The following PARP6 variants were observed in gnomAD, a reference collection of about 807,000 sequenced individuals.
The protein encoded by PARP6 is poly(ADP-ribose) polymerase family member 6.
A neutral mutation model predicts 92.0 loss-of-function variants in PARP6; 27 were observed. The observed-to-expected ratio is 0.29, with a 90% CI of 0.22 to 0.40. PARP6 has a LOEUF of 0.40. PARP6 is among the 10% of genes least tolerant of loss of function. The pLI is 1.00. For synonymous variants in PARP6, 272 were observed against 281.2 expected (o/e 0.97, Z 0.33); for missense variants, 501 against 784.5 (o/e 0.64, Z 4.32).
chr15:72,242,268 A>G lies in PARP6; in HGVS notation c.1642-48T>C. ...AGACCAGAGCCAGGTAGATGGGTAC[A>G]GCTTTCCCTAGAGAGGCTGGTTAGC... On this transcript the variant is annotated intron_variant, in intron 21 of 23. Coordinates refer to ENST00000569795, the MANE Select transcript of PARP6 (RefSeq NM_001323532.2). This position sits in a 1 kb window ranked among gnomAD's most constrained non-coding sequence, Gnocchi z 4.3. The G allele has an allele frequency of 2.1e-6, 3 of 1,457,118 alleles. No homozygotes were observed. Among genetic ancestry groups the G allele is most frequent in the Non-Finnish European group, 2.9e-6 (3 of 1,037,670 alleles). 90.3% of individuals were successfully genotyped at this position (1,457,118 alleles called of 1,614,324 possible).
chr15:72,252,749 T>C (rs1435074711), intron 16 of PARP6, among the ~76,000 whole-genome samples: 1 of 152,148 alleles, frequency 6.6e-6, no homozygotes, highest in East Asian at 1.9e-4. Context: ...CCTCCCAAAG[T>C]ATTGGGATCA....
chr15:72,249,813 A>T (rs1445102760), intron 19 of PARP6, among the ~76,000 whole-genome samples: 2 of 152,144 alleles, frequency 1.3e-5, no homozygotes, highest in Admixed American at 6.5e-5. Context: ...CATTCCCCAA[A>T]CCACCAAAAA....
intron 18 of PARP6, chr15:72,250,372 C>T (rs2084188089): frequency 2.6e-6 from 1 of 386,032 alleles, no homozygotes; most frequent in Non-Finnish European, 4.8e-6. Context: ...TGCCCATTAT[C>T]CTGACATTTC....
chr15:72,250,270 A>T (rs2084177591), intron 18 of PARP6, 178 bp from the exon 19 acceptor site: 1 of 588,690 alleles, frequency 1.7e-6, no homozygotes. Flanking sequence ...TGTGTGGTTA[A>T]ACTCTACGTC....
chr15:72,254,847 G>C (rs1442439904), intron 14 of PARP6, among the ~76,000 whole-genome samples: 9 of 152,172 alleles, frequency 5.9e-5, no homozygotes, highest in Admixed American at 5.9e-4. Context: ...CAGTAATAGT[G>C]AGGTACTATG....
chr15:72,258,713 T>A (rs2085453147), intron 11 of PARP6, among the ~76,000 whole-genome samples: 1 of 151,754 alleles, frequency 6.6e-6, no homozygotes. Flanking sequence ...TGCAGCAATA[T>A]CCTACAGCGT....
At chr15:72,256,385 A>T in intron 14 of PARP6, 80 bp downstream of exon 14, 1 of 1,214,168 alleles carries the variant, frequency 8.2e-7, no homozygotes, top group Non-Finnish European at 1.1e-6. Context: ...AGCCCTGTAT[A>T]TACCAGAATG....
At chr15:72,266,974 C>T in intron 3 of PARP6, 152 bp from the exon 4 acceptor site, 1 of 634,872 alleles carries the variant, frequency 1.6e-6, no homozygotes, top group Non-Finnish European at 2.8e-6. Flanking sequence ...TCATGTCACC[C>T]TTTGTGAGAG....
chr15:72,261,613 T>C lies in PARP6; in HGVS notation c.490A>G (p.Ser164Gly), dbSNP rs1280732859. 1 of 1,614,082 alleles carries C rather than the reference T, an allele frequency of 6.2e-7. No homozygotes were observed. Among genetic ancestry groups the C allele is most frequent in the Non-Finnish European group, 8.5e-7 (1 of 1,179,948 alleles). Reference protein sequence around the residue: ...QEKRHSWFKASGTIKKFRAGL... With the variant: ...QEKRHSWFKAGGTIKKFRAGL... The stretch of plus-strand genomic sequence containing the variant: ...GCTCGGAACTTCTTGATGGTACCAC[T>C]TGCCTTGAACCAACTGTGCCTCTTC... The change falls in exon 9 of 24, where the codon AGT (serine) becomes GGT (glycine). Residue 164 changes from serine to glycine, a missense_variant. Ser to Gly is a moderately conservative substitution (Grantham distance 56). Around this residue, in one of 4 missense-constraint regions of PARP6, gnomAD observed 291 missense variants for 352.0 expected, o/e 0.83. Coordinates refer to ENST00000569795, the MANE Select transcript of PARP6 (RefSeq NM_001323532.2).
At chr15:72,243,084 T>C (rs975495153) in intron 20 of PARP6, 3 of 196,108 alleles carry the variant, frequency 1.5e-5, no homozygotes, top group Admixed American at 5.4e-5. Context: ...GATAAGGTAG[T>C]GTGTGTTAGT....
At chr15:72,265,779 C>T in intron 5 of PARP6, 118 bp downstream of exon 5, 1 of 736,498 alleles carries the variant, frequency 1.4e-6, no homozygotes, top group Non-Finnish European at 2.3e-6. Context: ...TGAGCATTTT[C>T]TATCATTAAG....
Position 72,242,963 on chromosome 15 carries a change from G to A in PARP6, c.1562-264C>T, listed in dbSNP as rs2083224115. 2 of 441,490 alleles carry A rather than the reference G, an allele frequency of 4.5e-6. No individual in the cohort carries two copies. The highest frequency in any genetic ancestry group is 7.6e-5 in the East Asian group (2 of 26,326). 27.3% of individuals were successfully genotyped at this position (441,490 alleles called of 1,614,324 possible). A position where few individuals can be genotyped will look rare whatever the true frequency, so the allele number is the denominator to read the frequency against. Reference sequence around the variant, plus strand: ...TAGCCTAGCCTAAGAGTTTAAAGAAGTCATGTGGTGACAGCTAGACTGAGA... The same window carrying A: ...TAGCCTAGCCTAAGAGTTTAAAGAAATCATGTGGTGACAGCTAGACTGAGA... On this transcript the variant is annotated intron_variant, in intron 20 of 23. Coordinates refer to ENST00000569795, the MANE Select transcript of PARP6 (RefSeq NM_001323532.2). This position sits in a 1 kb window ranked among gnomAD's most constrained non-coding sequence, Gnocchi z 4.3.
At chr15:72,245,617 T>C (rs187027641) in intron 20 of PARP6, 22 of 152,342 alleles carry the variant, frequency 1.4e-4, no homozygotes, top group African/African-American at 5.3e-4. Context: ...AGCTTTCTTA[T>C]CTGTAAAGTA....
intron 16 of PARP6, 96 bp downstream of exon 16, chr15:72,253,341 G>A (rs1380966250): frequency 1.1e-6 from 1 of 932,058 alleles, no homozygotes; most frequent in Non-Finnish European, 1.7e-6. Flanking sequence ...CCTTGGGAAG[G>A]ATGTTGAAAC....
At chr15:72,254,965 G>A (rs1181243142) in intron 14 of PARP6, among the ~76,000 whole-genome samples, 1 of 152,108 alleles carries the variant, frequency 6.6e-6, no homozygotes, top group Non-Finnish European at 1.5e-5. Flanking sequence ...GGTGTTTCTG[G>A]TTGAGATTAA....
At chr15:72,246,267 A>G (rs548723840) in intron 20 of PARP6, among the ~76,000 whole-genome samples, 1 of 152,280 alleles carries the variant, frequency 6.6e-6, no homozygotes, top group South Asian at 2.1e-4. Flanking sequence ...CTTCTGCCTC[A>G]GCCTCCCGAG....
chr15:72,255,725 C>G (rs1480978683), intron 14 of PARP6, among the ~76,000 whole-genome samples: 2 of 151,230 alleles, frequency 1.3e-5, no homozygotes, highest in Non-Finnish European at 2.9e-5. Context: ...TATATATCTC[C>G]TATTGGCTCT....
chr15:72,265,365 C>T (rs1350299338), intron 6 of PARP6, 48 bp downstream of exon 6: 8 of 1,517,124 alleles, frequency 5.3e-6, no homozygotes, highest in Non-Finnish European at 7.3e-6. Context: ...ATGACAAATT[C>T]CACAAGTCCA....
At chr15:72,269,257 T>C (rs574777310) in intron 2 of PARP6, among the ~76,000 whole-genome samples, 1 of 151,960 alleles carries the variant, frequency 6.6e-6, no homozygotes, top group South Asian at 2.1e-4. Flanking sequence ...GCCTCCCGGG[T>C]TCAAGCAATT....
Sources: allele counts gnomAD v4.1 joint callset (sites outside exome capture counted in the v4.1 genomes callset), GRCh38; gene constraint gnomAD v4.1.1; regional missense constraint gnomAD v4.1.1; non-coding constraint Gnocchi (gnomAD v3.1); transcripts MANE v1.5; gene names NCBI Gene and HGNC (gene_info 2026-07-23, HGNC 2026-07-21).